The following VCAN variants were observed in gnomAD, a reference collection of about 807,000 sequenced individuals.
The protein encoded by VCAN is versican.
A neutral mutation model predicts 245.5 loss-of-function variants in VCAN; 44 were observed. The ratio of observed to expected loss-of-function variants is 0.18; its 90% CI spans 0.14 to 0.23. The LOEUF is 0.23. VCAN is among the 10% of genes least tolerant of loss of function. The probability of loss-of-function intolerance (pLI) is 1.00; values close to 1 mark genes in which losing one functional copy is unlikely to be tolerated. For missense variants in VCAN, 3,793 were observed against 4,057.9 expected (o/e 0.93, Z 1.77); for synonymous variants, 1,413 against 1,437.0 (o/e 0.98, Z 0.38).
intron 13 of VCAN, 122 bp downstream of exon 13, chr5:83,572,682 C>G (rs1748329875): frequency 8.0e-7 from 1 of 1,246,968 alleles, no homozygotes; most frequent in Non-Finnish European, 1.1e-6. Flanking sequence ...TGTATGTCAT[C>G]TCTCGTTGCT....
At chr5:83,498,547 T>C (rs1359162147) in intron 5 of VCAN, among the ~76,000 whole-genome samples, 1 of 152,228 alleles carries the variant, frequency 6.6e-6, no homozygotes, top group Admixed American at 6.5e-5. Context: ...TTTTTATTGC[T>C]TTAATTTTCT....
Position 83,520,266 on chromosome 5 carries a change from G to A in VCAN, c.1960G>A (p.Glu654Lys), listed in dbSNP as rs202008807. ...PFPSQHRTEI[E>K]LFPYSGDKIL... is the part of the protein sequence containing the mutation. Reference sequence around the variant, plus strand: ...TCCATCACAGCATCGTACAGAAATAGAATTGTTTCCTTATTCTGGTGATAA... The same window carrying A: ...TCCATCACAGCATCGTACAGAAATAAAATTGTTTCCTTATTCTGGTGATAA... Residue 654 changes from glutamate to lysine, a missense_variant, in exon 7 of 15, where the codon GAA becomes AAA. Physicochemically the swap from Glu to Lys is moderately conservative, Grantham distance 56. Coordinates refer to ENST00000265077, the MANE Select transcript of VCAN (RefSeq NM_004385.5). 1.1e-5 allele frequency: 17 copies of A among 1,613,848 alleles called. No homozygotes were observed. Among genetic ancestry groups the A allele is most frequent in the Non-Finnish European group, 1.4e-5 (16 of 1,179,964 alleles).
Position 83,575,980 on chromosome 5 carries a change from A to G in VCAN, c.9880+3420A>G, listed in dbSNP as rs368957232. Among the ~76,000 whole-genome samples the G allele has an allele frequency of 5.3e-4, 80 of 152,290 alleles. 3 individuals are homozygous for G. The South Asian group carries it at 0.017, about 32-fold the overall frequency. On this transcript the variant is annotated intron_variant, in intron 13 of 14. Transcript: ENST00000265077. ...ACTCTGGGGAAGTTTTTAAATGTTTATAGGCTTTTAAAAAAGATACCCTTT... is the reference window on the plus strand; with the variant it reads ...ACTCTGGGGAAGTTTTTAAATGTTTGTAGGCTTTTAAAAAAGATACCCTTT...
At chr5:83,530,959 T>G (rs1047060297) in intron 7 of VCAN, among the ~76,000 whole-genome samples, 5 of 152,032 alleles carry the variant, frequency 3.3e-5, no homozygotes, top group Non-Finnish European at 5.9e-5. Context: ...ACTTTTTGAG[T>G]GTGAATCAGG....
Position 83,545,546 on chromosome 5 carries a change from G to A in VCAN, c.9275G>A (p.Arg3092His), listed in dbSNP as rs528022086. 1.9e-6 allele frequency: 3 copies of A among 1,613,980 alleles called. No homozygotes were observed. The highest frequency in any genetic ancestry group is 1.1e-5 in the South Asian group (1 of 91,080). The change falls in exon 9 of 15, where the codon CGC (arginine) becomes CAC (histidine). Residue 3092 changes from arginine to histidine, a missense_variant. Coordinates refer to ENST00000265077, the MANE Select transcript of VCAN (RefSeq NM_004385.5). ...GTAIYLPGPD[R>H]CKMNPCLNGG... ...TTCCTGAATATGGTAGGACCTGATC[G>A]CTGCAAAATGAACCCGTGCCTTAAC...
chr5:83,560,625 A>C (rs1233067864), intron 12 of VCAN, among the ~76,000 whole-genome samples: 1 of 152,146 alleles, frequency 6.6e-6, no homozygotes, highest in Admixed American at 6.6e-5. Flanking sequence ...ACTAAAGACT[A>C]TAGTGTCTAT....
At chr5:83,500,388 G>A (rs1273230926) in intron 5 of VCAN, among the ~76,000 whole-genome samples, 1 of 152,128 alleles carries the variant, frequency 6.6e-6, no homozygotes, top group Non-Finnish European at 1.5e-5. Flanking sequence ...CTACCTAAGA[G>A]CCAATGAGGA....
At position 83,540,813 on chromosome 5, in the gene VCAN, G is replaced by C. The variant is rs761781175; in HGVS notation, c.7810G>C (p.Glu2604Gln). ...AGATATAGATACAGAGGTACCATCA[G>C]AACCACATGACAGTAATGATGAAAG... ...QTDIDTEVPS[E>Q]PHDSNDESND... is the part of the protein sequence containing the mutation. Residue 2604 changes from glutamate to glutamine, a missense_variant, in exon 8 of 15, where the codon GAA becomes CAA. Around this residue, in one of 5 missense-constraint regions of VCAN, gnomAD observed 3,182 missense variants for 3,250.3 expected, o/e 0.98. Transcript: ENST00000265077. 6.2e-7 allele frequency: 1 copy of C among 1,613,942 alleles called. No homozygotes were observed. Among genetic ancestry groups the C allele is most frequent in the South Asian group, 1.1e-5 (1 of 91,070 alleles).
intron 2 of VCAN, among the ~76,000 whole-genome samples, chr5:83,485,894 G>A (rs1744776771): frequency 6.6e-6 from 1 of 152,154 alleles, no homozygotes; most frequent in Non-Finnish European, 1.5e-5. Flanking sequence ...GAGCCCAGTA[G>A]TTCAAGACCA....
chr5:83,512,221 C>T lies in VCAN; in HGVS notation c.867C>T (p.Asn289=), dbSNP rs532227581. The T allele has an allele frequency of 1.2e-5, 20 of 1,614,156 alleles. No homozygotes were observed. The highest frequency in any genetic ancestry group is 5.5e-5 in the South Asian group (5 of 91,084). The change falls in exon 6 of 15, where the codon AAC becomes AAT. Residue 289 remains asparagine, a synonymous_variant. Coordinates refer to ENST00000265077, the MANE Select transcript of VCAN (RefSeq NM_004385.5). Reference sequence around the variant, plus strand: ...GGGAACTCCAGGCGGCATGGAGGAACGGCTTTGACCAGTGCGATTACGGGT... The same window carrying T: ...GGGAACTCCAGGCGGCATGGAGGAATGGCTTTGACCAGTGCGATTACGGGT... ...TVGELQAAWR[N]GFDQCDYGWL...
chr5:83,541,794 G>A lies in VCAN; in HGVS notation c.8791G>A (p.Asp2931Asn). The A allele has an allele frequency of 6.2e-7, 1 of 1,614,070 alleles. No homozygotes were observed. The highest frequency in any genetic ancestry group is 8.5e-7 in the Non-Finnish European group (1 of 1,179,996). ...TGTGGAAGGAACTGAGATTCTCCAA[G>A]ATTTCCAAAACAAAACCGATGGTCA... ...IAVEGTEILQ[D>N]FQNKTDGQVS... Residue 2931 changes from aspartate (D) to asparagine (N), a missense_variant, in exon 8 of 15, where the codon GAT becomes AAT. Around this residue, in one of 5 missense-constraint regions of VCAN, gnomAD observed 3,182 missense variants for 3,250.3 expected, o/e 0.98. Coordinates refer to ENST00000265077, the MANE Select transcript of VCAN (RefSeq NM_004385.5).
chr5:83,544,416 TG>T (rs1023141538), intron 8 of VCAN, among the ~76,000 whole-genome samples: 1 of 152,166 alleles, frequency 6.6e-6, no homozygotes, highest in Non-Finnish European at 1.5e-5. Flanking sequence ...CTTTCTGGTG[TG>T]GGGAAGTCTC....
chr5:83,474,532 C>T (rs1744313137), intron 1 of VCAN, among the ~76,000 whole-genome samples: 2 of 152,356 alleles, frequency 1.3e-5, no homozygotes, highest in South Asian at 2.1e-4. Flanking sequence ...GCTCACCTCG[C>T]GCCAAGGGAG....
chr5:83,532,587 G>A lies in VCAN; in HGVS notation c.4004-4420G>A, dbSNP rs115095377. Among the ~76,000 whole-genome samples, 362 of 151,950 alleles carry A rather than the reference G, an allele frequency of 2.4e-3. 2 individuals are homozygous for A. Among genetic ancestry groups the A allele is most frequent in the African/African-American group, 8.3e-3 (345 of 41,458 alleles). On this transcript the variant is annotated intron_variant, in intron 7 of 14. Transcript: ENST00000265077. ...ATTAAGAAATCCAGCCAGGTGCAGC[G>A]GTACACACTGTAATCCCAGCACTTT...
intron 5 of VCAN, among the ~76,000 whole-genome samples, chr5:83,500,524 G>C (rs547176693): frequency 6.6e-6 from 1 of 152,326 alleles, no homozygotes; most frequent in Admixed American, 6.5e-5. Flanking sequence ...AACATCTACT[G>C]TGTGGTGGGA....
chr5:83,559,331 A>G (rs2112478890), intron 12 of VCAN, among the ~76,000 whole-genome samples: 1 of 152,206 alleles, frequency 6.6e-6, no homozygotes, highest in South Asian at 2.1e-4. Context: ...TTCCCTGGCT[A>G]TGAACTCTTG....
At chr5:83,489,106 A>T (rs1169107642) in intron 2 of VCAN, among the ~76,000 whole-genome samples, 1 of 149,676 alleles carries the variant, frequency 6.7e-6, no homozygotes, top group Non-Finnish European at 1.5e-5. Flanking sequence ...AGAGTGTTAG[A>T]TATACATCAT....
chr5:83,521,820 A>G lies in VCAN; in HGVS notation c.3514A>G (p.Lys1172Glu). The part of the protein sequence containing the change: ...TQLMEETTTE[K>E]TSLEDIDLGS... ...GCTTATGGAAGAAACCACTACTGAGAAAACATCCCTAGAGGATATTGATTT... is the reference window on the plus strand; with the variant it reads ...GCTTATGGAAGAAACCACTACTGAGGAAACATCCCTAGAGGATATTGATTT... The change falls in exon 7 of 15, where the codon AAA (lysine) becomes GAA (glutamate). Residue 1172 changes from lysine (K) to glutamate (E), a missense_variant. Physicochemically the swap from Lys to Glu is moderately conservative, Grantham distance 56 (BLOSUM62 1). Around this residue, in one of 5 missense-constraint regions of VCAN, gnomAD observed 3,182 missense variants for 3,250.3 expected, o/e 0.98. Transcript: ENST00000265077. The G allele has an allele frequency of 6.2e-7, 1 of 1,614,210 alleles. No individual in the cohort carries two copies. Among genetic ancestry groups the G allele is most frequent in the Non-Finnish European group, 8.5e-7 (1 of 1,180,032 alleles).
intron 2 of VCAN, among the ~76,000 whole-genome samples, chr5:83,485,114 G>T (rs1474866951): frequency 1.3e-5 from 2 of 152,136 alleles, no homozygotes; most frequent in African/African-American, 4.8e-5. Context: ...CATTACCCCT[G>T]TATTCTATTG....
Sources: allele counts gnomAD v4.1 joint callset (sites outside exome capture counted in the v4.1 genomes callset), GRCh38; gene constraint gnomAD v4.1.1; regional missense constraint gnomAD v4.1.1; transcripts MANE v1.5; gene names NCBI Gene and HGNC (gene_info 2026-07-23, HGNC 2026-07-21).